Variants in VAT1L observed in about 807,000 individuals in gnomAD.
The protein encoded by VAT1L is putative NADPH-dependent quinone oxidoreductase VAT1L.
In VAT1L, 34 loss-of-function variants were observed where a neutral mutation model predicts 44.1. That is an observed-to-expected ratio of 0.77 (90% confidence interval 0.59 to 1.03). VAT1L has a LOEUF of 1.03. Among genes scored for constraint, VAT1L ranks in the 50% least tolerant of loss-of-function variants. The probability of loss-of-function intolerance (pLI) is 0.00; values close to 1 mark genes in which losing one functional copy is unlikely to be tolerated. For missense variants in VAT1L, 615 were observed against 538.8 expected, an observed-to-expected ratio of 1.14 and a Z score of -1.40; for synonymous variants, 253 against 202.2, an observed-to-expected ratio of 1.25 and a Z score of -2.13.
chr16:77,945,278 C>CTTTTTTTTTTT (rs56055464), intron 7 of VAT1L, among the ~76,000 whole-genome samples: 9,203 of 82,696 alleles, frequency 0.11, 1,777 homozygotes, highest in Non-Finnish European at 0.12. Context: ...GATTGCAGAA[C>CTTTTTTTTTTT]TTTTTTTTTT....
intron 3 of VAT1L, among the ~76,000 whole-genome samples, chr16:77,852,778 T>A (rs894309717): frequency 6.6e-6 from 1 of 152,088 alleles, no homozygotes; most frequent in Non-Finnish European, 1.5e-5. Context: ...AAGGCAGTGG[T>A]TAAATTGTGG....
intron 6 of VAT1L, among the ~76,000 whole-genome samples, chr16:77,883,242 T>C (rs1189740451): frequency 1.3e-5 from 2 of 152,196 alleles, no homozygotes; most frequent in East Asian, 3.9e-4. Context: ...TTTGAACATC[T>C]TATCCCCTAG....
intron 4 of VAT1L, among the ~76,000 whole-genome samples, chr16:77,872,134 C>T (rs1375802790): frequency 6.6e-6 from 1 of 152,124 alleles, no homozygotes; most frequent in African/African-American, 2.4e-5. Flanking sequence ...AAGTAACTCA[C>T]CTAAGGTCAC....
chr16:77,950,193 G>A (rs2018024780), intron 7 of VAT1L, among the ~76,000 whole-genome samples: 2 of 152,198 alleles, frequency 1.3e-5, no homozygotes, highest in African/African-American at 4.8e-5. Context: ...TGGATGCCTT[G>A]AGGTCAGGAG....
intron 2 of VAT1L, among the ~76,000 whole-genome samples, 154 bp from the exon 3 acceptor site, chr16:77,825,092 C>G (rs1187206145): frequency 6.6e-6 from 1 of 151,994 alleles, no homozygotes. Context: ...GTCTTGAACT[C>G]CTGATCTTGA....
At chr16:77,810,186 C>T (rs2016240625) in intron 1 of VAT1L, among the ~76,000 whole-genome samples, 1 of 152,168 alleles carries the variant, frequency 6.6e-6, no homozygotes, top group African/African-American at 2.4e-5. Flanking sequence ...TACTCTGTCT[C>T]ATTTAGCAAA....
chr16:77,919,436 A>C (rs2017587476), intron 7 of VAT1L, among the ~76,000 whole-genome samples: 2 of 152,234 alleles, frequency 1.3e-5, no homozygotes. Context: ...CAGCCTATTT[A>C]AAATTAATTA....
At chr16:77,910,920 A>T (rs981519999) in intron 7 of VAT1L, among the ~76,000 whole-genome samples, 2 of 152,170 alleles carry the variant, frequency 1.3e-5, no homozygotes, top group Non-Finnish European at 1.5e-5. Context: ...TGCAATTGCT[A>T]TCCCCATTTT....
chr16:77,806,534 C>T (rs1249775408), intron 1 of VAT1L, among the ~76,000 whole-genome samples: 1 of 150,812 alleles, frequency 6.6e-6, no homozygotes, highest in East Asian at 2.0e-4. Flanking sequence ...TTAGTAGAGA[C>T]AGGTTTCACC....
chr16:77,916,151 C>T (rs953508950), intron 7 of VAT1L, among the ~76,000 whole-genome samples: 8 of 152,056 alleles, frequency 5.3e-5, no homozygotes, highest in East Asian at 1.9e-4. Context: ...AGGGTCTGTA[C>T]GAAAGGGGGC....
At chr16:77,960,122 A>C (rs192766558) in intron 7 of VAT1L, among the ~76,000 whole-genome samples, 106 of 152,140 alleles carry the variant, frequency 7.0e-4, no homozygotes, top group African/African-American at 2.6e-3. Flanking sequence ...CCATCTTACC[A>C]AGTGGTAATG....
At chr16:77,842,792 T>C (rs1260608092) in intron 3 of VAT1L, among the ~76,000 whole-genome samples, 1 of 152,232 alleles carries the variant, frequency 6.6e-6, no homozygotes, top group Non-Finnish European at 1.5e-5. Flanking sequence ...AACTGATGGA[T>C]GAATGAATTC....
intron 7 of VAT1L, among the ~76,000 whole-genome samples, chr16:77,908,717 C>G (rs1056531528): frequency 6.6e-6 from 1 of 151,902 alleles, no homozygotes; most frequent in Admixed American, 6.6e-5. Context: ...CGATTGAGAC[C>G]ATCCTGGCTA....
At chr16:77,970,475 T>C (rs1183791955) in intron 7 of VAT1L, among the ~76,000 whole-genome samples, 1 of 152,230 alleles carries the variant, frequency 6.6e-6, no homozygotes, top group African/African-American at 2.4e-5. Flanking sequence ...TCAGTTCTCA[T>C]TTAGCAATAT....
chr16:77,950,862 A>G (rs1252654753), intron 7 of VAT1L, among the ~76,000 whole-genome samples: 6 of 152,174 alleles, frequency 3.9e-5, no homozygotes, highest in Non-Finnish European at 7.4e-5. Flanking sequence ...ACTGTTTATC[A>G]CTGGTAATCA....
At chr16:77,939,574 C>G (rs2017852058) in intron 7 of VAT1L, among the ~76,000 whole-genome samples, 1 of 152,164 alleles carries the variant, frequency 6.6e-6, no homozygotes. Context: ...CTCCCTAAAT[C>G]CAGTAACCTG....
chr16:77,814,822 T>C (rs1184713790), intron 1 of VAT1L, among the ~76,000 whole-genome samples: 1 of 152,246 alleles, frequency 6.6e-6, no homozygotes, highest in Non-Finnish European at 1.5e-5. Flanking sequence ...CCATGTCAGC[T>C]GTGAAACTGT....
chr16:77,941,551 G>A (rs1290885688), intron 7 of VAT1L, among the ~76,000 whole-genome samples: 1 of 152,134 alleles, frequency 6.6e-6, no homozygotes, highest in Admixed American at 6.5e-5. Context: ...GGACTGCTGG[G>A]TCAAATGGTA....
chr16:77,927,303 A>C (rs1597102780), intron 7 of VAT1L, among the ~76,000 whole-genome samples: 1 of 147,908 alleles, frequency 6.8e-6, no homozygotes, highest in Non-Finnish European at 1.5e-5. Context: ...GCGCCACTAC[A>C]CTCCAGCCTG....
Sources: allele counts gnomAD v4.1 joint callset (sites outside exome capture counted in the v4.1 genomes callset), GRCh38; gene constraint gnomAD v4.1.1; transcripts MANE v1.5; gene names NCBI Gene and HGNC (gene_info 2026-07-23, HGNC 2026-07-21).